The following RNF11 variants were observed in gnomAD, a reference collection of about 807,000 sequenced individuals.
RNF11 encodes ring finger protein 11.
A neutral mutation model predicts 15.8 loss-of-function variants in RNF11; 4 were observed. The observed-to-expected ratio is 0.25, with a 90% CI of 0.12 to 0.58. RNF11 has a LOEUF of 0.58. RNF11 is among the 20% of genes least tolerant of loss of function. The pLI is 0.91. For missense variants in RNF11, 139 were observed against 194.4 expected (o/e 0.71, Z 1.70); for synonymous variants, 68 against 72.3 (o/e 0.94, Z 0.30).
In RNF11 at chr1:51,271,445, C is replaced by T; in HGVS notation, c.*123C>T. 1.4e-6 allele frequency: 1 copy of T among 722,250 alleles called. No individual in the cohort carries two copies. Among genetic ancestry groups the T allele is most frequent in the Non-Finnish European group, 2.2e-6 (1 of 463,604 alleles). 44.7% of individuals were successfully genotyped at this position (722,250 alleles called of 1,614,324 possible). On this transcript the variant is annotated 3_prime_UTR_variant, in exon 3 of 3. Transcript: ENST00000242719. The stretch of plus-strand genomic sequence containing the variant: ...GTGCACAAAAGTTTCCTTAAAATTC[C>T]TGGATGGCTGCAGATGTTGGGGGAA...
chr1:51,241,976 A>T (rs2148064792), intron 1 of RNF11, among the ~76,000 whole-genome samples: 1 of 152,354 alleles, frequency 6.6e-6, no homozygotes, highest in South Asian at 2.1e-4. Context: ...AAACCATGTT[A>T]CATTTTCTAA....
chr1:51,255,566 T>C (rs1646900789), intron 1 of RNF11, among the ~76,000 whole-genome samples: 1 of 152,226 alleles, frequency 6.6e-6, no homozygotes, highest in African/African-American at 2.4e-5. Context: ...TGTGTTTCAC[T>C]TTCTTGCTGG....
At chr1:51,243,026 A>G (rs1310408175) in intron 1 of RNF11, among the ~76,000 whole-genome samples, 1 of 152,224 alleles carries the variant, frequency 6.6e-6, no homozygotes, top group African/African-American at 2.4e-5. Context: ...CTTTGTTAAT[A>G]AAGCCTTCAC....
At chr1:51,245,345 G>T (rs1464901227) in intron 1 of RNF11, among the ~76,000 whole-genome samples, 2 of 152,212 alleles carry the variant, frequency 1.3e-5, no homozygotes, top group Non-Finnish European at 2.9e-5. Flanking sequence ...TAGAGACGGG[G>T]TCTCACTATA....
intron 1 of RNF11, among the ~76,000 whole-genome samples, chr1:51,252,886 G>T (rs1646886699): frequency 6.6e-6 from 1 of 151,428 alleles, no homozygotes; most frequent in Admixed American, 6.6e-5. Flanking sequence ...GAGTGCAGTG[G>T]CGCGATCTTG....
At chr1:51,246,595 A>G (rs999305953) in intron 1 of RNF11, among the ~76,000 whole-genome samples, 1 of 151,836 alleles carries the variant, frequency 6.6e-6, no homozygotes, top group Admixed American at 6.6e-5. Context: ...GGTGGCTCAC[A>G]CCTGTAATCT....
At chr1:51,266,517 G>A (rs561741110) in intron 1 of RNF11, among the ~76,000 whole-genome samples, 14 of 151,906 alleles carry the variant, frequency 9.2e-5, no homozygotes, top group African/African-American at 3.1e-4. Flanking sequence ...AGTCTGGAGT[G>A]TAGTGGTGTG....
intron 1 of RNF11, among the ~76,000 whole-genome samples, chr1:51,238,163 C>T (rs904049806): frequency 6.6e-6 from 1 of 152,162 alleles, no homozygotes; most frequent in Non-Finnish European, 1.5e-5. Flanking sequence ...GCCCTTCGCC[C>T]GGGTCAGCCA....
Position 51,236,387 on chromosome 1 carries a change from G to A in RNF11, c.-370G>A, listed in dbSNP as rs1169601666. 6.2e-6 allele frequency: 1 copy of A among 161,892 alleles called. No individual in the cohort carries two copies. Among genetic ancestry groups the A allele is most frequent in the Non-Finnish European group, 1.3e-5 (1 of 74,748 alleles). 10.0% of individuals were successfully genotyped at this position (161,892 alleles called of 1,614,324 possible). ...GGCAGCAGCAGCTGAGGCAGCAGCTGAGGCAGCCGCGACGGCCGCGCCCCC... is the reference window on the plus strand; with the variant it reads ...GGCAGCAGCAGCTGAGGCAGCAGCTAAGGCAGCCGCGACGGCCGCGCCCCC... On this transcript the variant is annotated 5_prime_UTR_variant, in exon 1 of 3. Transcript: ENST00000242719.
chr1:51,260,036 T>G (rs1016236994), intron 1 of RNF11, among the ~76,000 whole-genome samples: 1 of 152,240 alleles, frequency 6.6e-6, no homozygotes, highest in Non-Finnish European at 1.5e-5. Context: ...CAAGGTGGTG[T>G]TAGGTCCTAT....
intron 1 of RNF11, among the ~76,000 whole-genome samples, chr1:51,248,332 C>A (rs188031003): frequency 6.6e-6 from 1 of 151,834 alleles, no homozygotes; most frequent in Non-Finnish European, 1.5e-5. Context: ...CTCAGCCTCC[C>A]GGGTAGCTGG....
intron 1 of RNF11, among the ~76,000 whole-genome samples, chr1:51,264,187 G>T (rs1405266299): frequency 8.8e-5 from 13 of 147,562 alleles, no homozygotes; most frequent in South Asian, 2.2e-4. Context: ...AGCCCGGGGG[G>T]TCGTCAAGGC....
intron 1 of RNF11, among the ~76,000 whole-genome samples, chr1:51,254,469 T>A (rs1277630825): frequency 6.6e-6 from 1 of 151,274 alleles, no homozygotes. Context: ...GTATTTTTAA[T>A]TTTTTTTTGA....
intron 1 of RNF11, among the ~76,000 whole-genome samples, chr1:51,255,778 G>A (rs2148070390): frequency 6.6e-6 from 1 of 152,308 alleles, no homozygotes; most frequent in South Asian, 2.1e-4. Flanking sequence ...AAGATCAGTT[G>A]TCTATAAATA....
intron 1 of RNF11, among the ~76,000 whole-genome samples, chr1:51,255,140 T>C (rs1646898707): frequency 6.6e-6 from 1 of 152,178 alleles, no homozygotes. Flanking sequence ...TTTAATACTA[T>C]TAATATGCTA....
chr1:51,249,139 A>C (rs1267996471), intron 1 of RNF11, among the ~76,000 whole-genome samples: 1 of 152,154 alleles, frequency 6.6e-6, no homozygotes, highest in Non-Finnish European at 1.5e-5. Context: ...GGTGGACATG[A>C]ATTTAGAGGT....
chr1:51,239,125 G>A (rs1424718094), intron 1 of RNF11, among the ~76,000 whole-genome samples: 1 of 152,020 alleles, frequency 6.6e-6, no homozygotes, highest in Admixed American at 6.6e-5. Flanking sequence ...GCCTAGGCTG[G>A]TCTTGAACTC....
chr1:51,259,843 T>C (rs559305625), intron 1 of RNF11, among the ~76,000 whole-genome samples: 8 of 152,346 alleles, frequency 5.3e-5, no homozygotes, highest in Non-Finnish European at 7.3e-5. Context: ...CATGATCAAA[T>C]AGCGTATGTA....
intron 1 of RNF11, chr1:51,251,437 C>T (rs995772755): frequency 1.5e-4 from 137 of 896,508 alleles, no homozygotes; most frequent in Non-Finnish European, 2.0e-4. Flanking sequence ...CCAGGGCCTC[C>T]GGGCCCCCCC....
Sources: gnomAD v4.1 joint callset for allele counts (sites outside exome capture counted in the v4.1 genomes callset) on GRCh38, gnomAD v4.1.1 for gene constraint, MANE v1.5 for transcripts, NCBI Gene and HGNC (gene_info 2026-07-23, HGNC 2026-07-21) for gene names.